The following TMEM164 variants were observed in gnomAD, a reference collection of about 807,000 sequenced individuals.
TMEM164 encodes RP13-360B22.2.
A neutral mutation model predicts 18.8 loss-of-function variants in TMEM164; 4 were observed. The observed-to-expected ratio is 0.21, with a 90% CI of 0.10 to 0.49. The LOEUF (loss-of-function observed/expected upper bound fraction) is 0.49. Among genes scored for constraint, TMEM164 ranks in the 20% least tolerant of loss-of-function variants. TMEM164 has a pLI of 0.98. For missense variants in TMEM164, 108 were observed against 239.9 expected, an observed-to-expected ratio of 0.45 and a Z score of 3.63; for synonymous variants, 86 against 101.7, an observed-to-expected ratio of 0.85 and a Z score of 0.93.
chrX:110,056,810 T>C (rs1356384167), intron 2 of TMEM164, among the ~76,000 whole-genome samples: 2 of 111,991 alleles, frequency 1.8e-5, no homozygotes, highest in African/African-American at 6.5e-5. Flanking sequence ...CATCTTTTCA[T>C]GTGCATGTTG....
Position 110,173,367 on chromosome X carries a change from G to T in TMEM164, c.810G>T (p.Leu270=), listed in dbSNP as rs764192243. 1.4e-5 allele frequency: 17 copies of T among 1,209,767 alleles called. No homozygotes were observed. Among genetic ancestry groups the T allele is most frequent in the African/African-American group, 1.8e-5 (1 of 57,041 alleles). ...TCATGACCATGACCCACGGGAAGCT[G>T]GTCATCCTGTTCTCATACATGGCTG... ...QTLMTMTHGK[L]VILFSYMAGP... The change falls in exon 7 of 7, where the codon CTG becomes CTT. Residue 270 remains leucine (L), a synonymous_variant. Coordinates refer to ENST00000372068, the MANE Select transcript of TMEM164 (RefSeq NM_032227.4).
chrX:110,031,599 A>G (rs1311596175), intron 2 of TMEM164, among the ~76,000 whole-genome samples: 5 of 111,846 alleles, frequency 4.5e-5, no homozygotes, highest in African/African-American at 1.6e-4. Context: ...CTAGAATTAC[A>G]GGCATGAGCT....
intron 2 of TMEM164, among the ~76,000 whole-genome samples, chrX:110,004,394 A>G (rs1932544682): frequency 9.0e-6 from 1 of 111,033 alleles, no homozygotes; most frequent in Non-Finnish European, 1.9e-5. Context: ...AACCCTAGGA[A>G]CGACTGGCAC....
chrX:110,057,020 G>A lies in TMEM164; in HGVS notation c.391-10327G>A, dbSNP rs984818308. On this transcript the variant is annotated intron_variant, in intron 2 of 6. Coordinates refer to ENST00000372068, the MANE Select transcript of TMEM164 (RefSeq NM_032227.4). ...AGAGTTATCATTTATGTGTGTATGC[G>A]TGTGTGTGTGTGTTGGAAATACTTA... Among the ~76,000 whole-genome samples, 13 of 110,002 alleles carry A rather than the reference G, an allele frequency of 1.2e-4. No homozygotes were observed. In the East Asian group the frequency reaches 3.1e-3, roughly 26 times the overall value.
intron 2 of TMEM164, among the ~76,000 whole-genome samples, chrX:110,065,772 C>T (rs1359725065): frequency 9.0e-6 from 1 of 111,621 alleles, no homozygotes; most frequent in East Asian, 2.8e-4. Flanking sequence ...GGGTTTGAGG[C>T]AGTACCCCGC....
In TMEM164 at chrX:110,038,193, G is replaced by A. The variant is rs1332312553; in HGVS notation, c.391-29154G>A. 3.6e-5 allele frequency among the ~76,000 whole-genome samples: 4 copies of A among 109,957 alleles called. No homozygotes were observed. The East Asian group carries it at 8.5e-4, about 23-fold the overall frequency. ...TTTTAGTAGAGAACGGGGTTTCACC[G>A]TTTTAGCCGGGATGGTCTCGATCTC... On this transcript the variant is annotated intron_variant, in intron 2 of 6. Transcript: ENST00000372068.
chrX:110,108,716 T>C (rs2066248858), intron 3 of TMEM164, among the ~76,000 whole-genome samples: 1 of 112,027 alleles, frequency 8.9e-6, no homozygotes, highest in Admixed American at 9.5e-5. Context: ...AACAGAACAC[T>C]TACCTCCCGC....
intron 2 of TMEM164, among the ~76,000 whole-genome samples, chrX:110,021,512 T>G (rs1933854656): frequency 9.0e-6 from 1 of 110,832 alleles, no homozygotes; most frequent in Admixed American, 9.6e-5. Flanking sequence ...AATCTGTGTG[T>G]GTGTGTTTGT....
chrX:110,107,282 C>CT (rs1486972406), intron 3 of TMEM164, among the ~76,000 whole-genome samples: 2 of 111,719 alleles, frequency 1.8e-5, no homozygotes, highest in Admixed American at 1.9e-4. Flanking sequence ...ACTCTACTCT[C>CT]TTATGTGTGG....
intron 2 of TMEM164, among the ~76,000 whole-genome samples, chrX:110,044,639 T>A (rs1280928942): frequency 3.5e-5 from 3 of 84,676 alleles, no homozygotes; most frequent in African/African-American, 1.4e-4. Context: ...TTTCTACAGA[T>A]GGGGTCTCAC....
At chrX:110,007,513 G>A (rs949514292) in intron 2 of TMEM164, among the ~76,000 whole-genome samples, 2 of 112,038 alleles carry the variant, frequency 1.8e-5, no homozygotes, top group African/African-American at 3.3e-5. Flanking sequence ...TATGATTTTG[G>A]CAGGTATGGG....
At chrX:110,044,952 G>A (rs1474268283) in intron 2 of TMEM164, among the ~76,000 whole-genome samples, 1 of 111,516 alleles carries the variant, frequency 9.0e-6, no homozygotes, top group Non-Finnish European at 1.9e-5. Flanking sequence ...TTAGGTTGCT[G>A]TCAAAATAGC....
At chrX:110,067,010 G>T (rs967407192) in intron 2 of TMEM164, among the ~76,000 whole-genome samples, 3 of 111,459 alleles carry the variant, frequency 2.7e-5, no homozygotes, top group Non-Finnish European at 5.7e-5. Context: ...CAAACCAGAT[G>T]GCATGGTGTG....
At chrX:110,154,410 C>G (rs1247263699) in intron 5 of TMEM164, among the ~76,000 whole-genome samples, 1 of 110,902 alleles carries the variant, frequency 9.0e-6, no homozygotes, top group Non-Finnish European at 1.9e-5. Flanking sequence ...AGTCCCTTTA[C>G]TAGAGTTTAT....
intron 6 of TMEM164, among the ~76,000 whole-genome samples, chrX:110,171,826 A>T (rs1037611484): frequency 2.7e-5 from 3 of 112,094 alleles, no homozygotes; most frequent in African/African-American, 9.7e-5. Context: ...TGTGGACCCC[A>T]TGGGGAGGCA....
chrX:110,057,046 G>A (rs1231641384), intron 2 of TMEM164, among the ~76,000 whole-genome samples: 1 of 110,148 alleles, frequency 9.1e-6, no homozygotes, highest in Non-Finnish European at 1.9e-5. Flanking sequence ...GAAATACTTA[G>A]GATCTATTCT....
intron 2 of TMEM164, among the ~76,000 whole-genome samples, chrX:110,030,233 G>A (rs1934412726): frequency 1.0e-5 from 1 of 97,252 alleles, no homozygotes; most frequent in African/African-American, 3.8e-5. Flanking sequence ...TGATCCTCCT[G>A]CCTTAGCCTC....
intron 5 of TMEM164, among the ~76,000 whole-genome samples, chrX:110,154,062 C>T (rs2066983351): frequency 9.0e-6 from 1 of 110,973 alleles, no homozygotes; most frequent in South Asian, 3.8e-4. Context: ...ATATGGAGGG[C>T]CGACTTTGTG....
intron 3 of TMEM164, among the ~76,000 whole-genome samples, chrX:110,086,795 A>G (rs1329701003): frequency 9.1e-6 from 1 of 110,366 alleles, no homozygotes; most frequent in Non-Finnish European, 1.9e-5. Context: ...AGAGAGAGGA[A>G]GAAATTACAT....
Sources: allele counts gnomAD v4.1 joint callset (sites outside exome capture counted in the v4.1 genomes callset), GRCh38; gene constraint gnomAD v4.1.1; transcripts MANE v1.5; gene names NCBI Gene and HGNC (gene_info 2026-07-23, HGNC 2026-07-21).